CLASP1: variants seen among roughly 807,000 people sequenced by gnomAD.
CLASP1 encodes CLIP-associating protein 1.
Under a neutral mutation model 192.3 loss-of-function variants are expected in CLASP1, and 38 were observed. The ratio of observed to expected loss-of-function variants is 0.20; its 90% confidence interval spans 0.15 to 0.26. CLASP1 has a LOEUF of 0.26. Among genes scored for constraint, CLASP1 ranks in the 10% least tolerant of loss-of-function variants. The pLI is 1.00. For missense variants in CLASP1, 1,433 were observed against 1,932.5 expected (o/e 0.74, Z 4.85); for synonymous variants, 691 against 712.8 (o/e 0.97, Z 0.49).
intron 19 of CLASP1, chr2:121,445,011 TA>T: frequency 8.2e-7 from 1 of 1,214,932 alleles, no homozygotes; most frequent in Non-Finnish European, 1.1e-6. Context: ...GAACAGTTAG[TA>T]ACATTCAAAA....
intron 1 of CLASP1, among the ~76,000 whole-genome samples, chr2:121,638,072 A>T (rs1341884645): frequency 6.6e-6 from 1 of 152,164 alleles, no homozygotes; most frequent in East Asian, 1.9e-4. Flanking sequence ...CTGACAAAGG[A>T]CTTGTAACCA....
At chr2:121,502,539 T>C (rs566226050) in intron 8 of CLASP1, among the ~76,000 whole-genome samples, 11 of 152,332 alleles carry the variant, frequency 7.2e-5, no homozygotes, top group South Asian at 2.1e-4. Flanking sequence ...ACAGAGGTCC[T>C]GAAGCAGGAG....
chr2:121,614,241 AT>A (rs1277354961), intron 1 of CLASP1, among the ~76,000 whole-genome samples: 2 of 152,220 alleles, frequency 1.3e-5, no homozygotes, highest in African/African-American at 4.8e-5. Context: ...CACGCCTATA[AT>A]CCCAGCACTT....
At position 121,479,754 on chromosome 2, in the gene CLASP1, G is replaced by A. The variant is rs186391648; in HGVS notation, c.713-9794C>T. On this transcript the variant is annotated intron_variant, in intron 8 of 39. Transcript: ENST00000263710. ...AATATGGACCAGTGTTATTAGGGCC[G>A]GTTCTACCACTCTGTACAAAAAATC... Among the ~76,000 whole-genome samples the A allele has an allele frequency of 2.6e-4, 40 of 152,190 alleles. No homozygotes were observed. In the East Asian group the frequency reaches 7.5e-3, roughly 29 times the overall value.
chr2:121,467,696 C>T (rs112033869), intron 9 of CLASP1, among the ~76,000 whole-genome samples: 2,780 of 152,126 alleles, frequency 0.018, 54 homozygotes, highest in Non-Finnish European at 0.022. Context: ...GGATGTTAGG[C>T]CTTTTGTCAG....
intron 38 of CLASP1, among the ~76,000 whole-genome samples, chr2:121,347,515 T>C (rs2063599007): frequency 1.3e-5 from 2 of 152,184 alleles, no homozygotes; most frequent in Non-Finnish European, 2.9e-5. Context: ...TTATTCCCAT[T>C]TCTCCCAAAG....
At chr2:121,435,399 C>A (rs1238551031) in intron 19 of CLASP1, among the ~76,000 whole-genome samples, 6 of 152,064 alleles carry the variant, frequency 3.9e-5, no homozygotes, top group Admixed American at 1.3e-4. Flanking sequence ...CTCAGCCTCC[C>A]GAGTAGCTGG....
chr2:121,455,098 C>G (rs1158192014), intron 14 of CLASP1, among the ~76,000 whole-genome samples: 4 of 152,196 alleles, frequency 2.6e-5, no homozygotes, highest in Non-Finnish European at 5.9e-5. Context: ...TCCACTCTAA[C>G]CCCAGGAGAA....
intron 1 of CLASP1, among the ~76,000 whole-genome samples, chr2:121,639,446 G>C (rs1021499314): frequency 6.6e-6 from 1 of 152,180 alleles, no homozygotes; most frequent in Non-Finnish European, 1.5e-5. Flanking sequence ...AGAGGAATGG[G>C]GAGTTATTGC....
chr2:121,620,207 C>T (rs1366806918), intron 1 of CLASP1, among the ~76,000 whole-genome samples: 2 of 146,396 alleles, frequency 1.4e-5, no homozygotes, highest in Admixed American at 6.9e-5. Context: ...GGCAACAGAG[C>T]GAGATTCTGT....
intron 2 of CLASP1, among the ~76,000 whole-genome samples, chr2:121,538,528 C>T (rs60116518): frequency 3.0e-4 from 45 of 152,102 alleles, no homozygotes; most frequent in African/African-American, 1.1e-3. Context: ...TGGCTCATGC[C>T]TGTAATCCCA....
At chr2:121,461,126 T>C in exon 11 of CLASP1, 1 of 1,606,664 alleles carries the variant, frequency 6.2e-7, no homozygotes, top group Non-Finnish European at 8.5e-7. Context: ...CTCCCAATCA[T>C]GCTTGTCATC....
exon 40 of CLASP1, chr2:121,340,804 G>T: frequency 7.5e-7 from 1 of 1,329,812 alleles, no homozygotes; most frequent in Non-Finnish European, 1.1e-6. Flanking sequence ...GTGGGGAAAG[G>T]TCTCTGAGAG....
At chr2:121,350,737 G>A (rs1006612049) in intron 37 of CLASP1, among the ~76,000 whole-genome samples, 4 of 152,146 alleles carry the variant, frequency 2.6e-5, no homozygotes, top group Non-Finnish European at 5.9e-5. Context: ...TCACTATGAA[G>A]CCCCATATGA....
intron 19 of CLASP1, among the ~76,000 whole-genome samples, chr2:121,436,055 AG>A (rs1427084719): frequency 6.7e-6 from 1 of 150,296 alleles, no homozygotes; most frequent in Admixed American, 6.6e-5. Context: ...TTCTTGAGAC[AG>A]AACTTTACTC....
exon 39 of CLASP1, chr2:121,347,126 C>T: frequency 1.9e-6 from 3 of 1,580,568 alleles, no homozygotes; most frequent in Non-Finnish European, 2.6e-6. Context: ...GCTGGCCTTA[C>T]GCACACTACT....
chr2:121,489,991 AAAATT>A (rs760833319), intron 8 of CLASP1, among the ~76,000 whole-genome samples: 1 of 152,232 alleles, frequency 6.6e-6, no homozygotes, highest in Non-Finnish European at 1.5e-5. Context: ...TAAGCAGAGA[AAAATT>A]AAAAGCCCAT....
chr2:121,631,120 T>C (rs1396874478), intron 1 of CLASP1, among the ~76,000 whole-genome samples: 8 of 121,916 alleles, frequency 6.6e-5, no homozygotes, highest in African/African-American at 1.3e-4. Context: ...GATTGCGCCA[T>C]TACGCTCCAG....
intron 2 of CLASP1, among the ~76,000 whole-genome samples, chr2:121,603,413 G>A (rs1352158026): frequency 1.3e-5 from 2 of 152,000 alleles, no homozygotes; most frequent in Non-Finnish European, 2.9e-5. Flanking sequence ...TTATCAAAAA[G>A]ACAAAAAATA....
Sources: allele counts gnomAD v4.1 joint callset (sites outside exome capture counted in the v4.1 genomes callset), GRCh38; gene constraint gnomAD v4.1.1; transcripts MANE v1.5; gene names NCBI Gene and HGNC (gene_info 2026-07-23, HGNC 2026-07-21).